Variants in MYOM1 observed in about 807,000 individuals in gnomAD.
The protein encoded by MYOM1 is myomesin 1, also known as myomesin-1.
In MYOM1, 164 loss-of-function variants were observed where a neutral mutation model predicts 205.3. The ratio of observed to expected loss-of-function variants is 0.80; its 90% CI spans 0.70 to 0.91. The LOEUF is 0.91. Ranked by LOEUF, MYOM1 falls within the 40% of genes least tolerant of loss-of-function variation. MYOM1 has a pLI of 0.00. For synonymous variants in MYOM1, 772 were observed against 789.4 expected (o/e 0.98, Z 0.37); for missense variants, 2,011 against 2,127.3 (o/e 0.95, Z 1.08).
intron 36 of MYOM1, among the ~76,000 whole-genome samples, chr18:3,073,528 C>A (rs2078985211): frequency 6.6e-6 from 1 of 152,264 alleles, no homozygotes; most frequent in South Asian, 2.1e-4. Flanking sequence ...GTAAGCCTAA[C>A]CCTTCTTCTG....
intron 10 of MYOM1, among the ~76,000 whole-genome samples, chr18:3,163,769 C>T (rs545346558): frequency 3.7e-4 from 56 of 152,022 alleles, no homozygotes; most frequent in South Asian, 1.9e-3. Context: ...TTATTGGAAA[C>T]GAACATATTC....
intron 5 of MYOM1, among the ~76,000 whole-genome samples, chr18:3,185,372 C>T (rs1300719872): frequency 6.6e-6 from 1 of 152,092 alleles, no homozygotes; most frequent in Non-Finnish European, 1.5e-5. Context: ...TGGGAAAACA[C>T]AGATAGGAAA....
At chr18:3,194,311 T>C (rs1465188244) in intron 2 of MYOM1, among the ~76,000 whole-genome samples, 3 of 152,244 alleles carry the variant, frequency 2.0e-5, no homozygotes, top group Non-Finnish European at 4.4e-5. Context: ...AATGGTTTGA[T>C]ACATGGTGCA....
intron 31 of MYOM1, among the ~76,000 whole-genome samples, 169 bp downstream of exon 31, chr18:3,084,876 T>C (rs893457723): frequency 3.3e-5 from 5 of 152,136 alleles, no homozygotes; most frequent in Non-Finnish European, 7.4e-5. Context: ...TGACTAGAAG[T>C]GAGGTATTTT....
At chr18:3,117,986 T>C (rs890051122) in intron 20 of MYOM1, among the ~76,000 whole-genome samples, 2 of 152,150 alleles carry the variant, frequency 1.3e-5, no homozygotes, top group Admixed American at 1.3e-4. Context: ...CAGGGAGGCA[T>C]CTAGATTGGG....
chr18:3,215,531 A>C (rs941378366), intron 1 of MYOM1, among the ~76,000 whole-genome samples: 1 of 151,938 alleles, frequency 6.6e-6, no homozygotes, highest in South Asian at 2.1e-4. Context: ...TGAGCCCAAG[A>C]CTTCGAGGCT....
chr18:3,079,957 A>G (rs1322061059), intron 33 of MYOM1, among the ~76,000 whole-genome samples: 1 of 152,206 alleles, frequency 6.6e-6, no homozygotes, highest in African/African-American at 2.4e-5. Flanking sequence ...GTAGGTCATG[A>G]GCAGACCCAT....
rs772631678 is a variant in MYOM1 at position 3,075,475 on chromosome 18, G to C, written c.4687C>G (p.Gln1563Glu). 24 of 1,604,310 alleles carry C rather than the reference G, an allele frequency of 1.5e-5. No individual in the cohort carries two copies. Among genetic ancestry groups the C allele is most frequent in the Non-Finnish European group, 2.0e-5 (24 of 1,177,110 alleles). ...EAYAEFQRLK[Q>E]AAIAEKNRAR... is the part of the protein sequence containing the mutation. ...TTACTTTTCTCGGCAATGGCAGCTT[G>C]TCTGTGGTTGAGAGAAACGAACAAA... The change falls in exon 36 of 38, where the codon CAA becomes GAA. Residue 1563 changes from glutamine to glutamate, a missense_variant and splice_region_variant. Transcript: ENST00000356443.
At chr18:3,159,988 C>G (rs2080361631) in intron 10 of MYOM1, among the ~76,000 whole-genome samples, 1 of 148,846 alleles carries the variant, frequency 6.7e-6, no homozygotes, top group Non-Finnish European at 1.5e-5. Context: ...CTCTCCCTCT[C>G]TTATTCTCTT....
chr18:3,228,546 A>C, the MYOM1 span, among the ~76,000 whole-genome samples: 1 of 152,198 alleles, frequency 6.6e-6, no homozygotes, highest in Non-Finnish European at 1.5e-5. The surrounding 1 kb of genome is among the most constrained non-coding windows in gnomAD (Gnocchi z 4.5). Flanking sequence ...AACCAGAATA[A>C]AGATCAGCAG....
upstream of MYOM1, among the ~76,000 whole-genome samples, chr18:3,222,226 A>G (rs1278575675): frequency 6.6e-6 from 1 of 152,232 alleles, no homozygotes; most frequent in Non-Finnish European, 1.5e-5. Context: ...ATTGATTCAT[A>G]TGAGCCCAAG....
At position 3,176,119 on chromosome 18, in the gene MYOM1, C is replaced by T. The variant is rs2080636752; in HGVS notation, c.945G>A (p.Val315=). 2 of 1,607,052 alleles carry T rather than the reference C, an allele frequency of 1.2e-6. No homozygotes were observed. Among genetic ancestry groups the T allele is most frequent in the Non-Finnish European group, 1.7e-6 (2 of 1,173,750 alleles). ...CAGGGTTTGCATGGACATTTATTGG[C>T]ACCTGGTTTTTATACCTATAACAGA... ...EPRVTWYKNQ[V]PINVHANPGK... Residue 315 remains valine (V), a synonymous_variant, in exon 6 of 38, where the codon GTG becomes GTA. Coordinates refer to ENST00000356443, the MANE Select transcript of MYOM1 (RefSeq NM_003803.4).
At chr18:3,244,524 CG>C in the MYOM1 span, among the ~76,000 whole-genome samples, 2 of 152,064 alleles carry the variant, frequency 1.3e-5, no homozygotes, top group Non-Finnish European at 2.9e-5. Context: ...GAGGCACAGA[CG>C]GGCAGATCAC....
chr18:3,148,869 A>G (rs936874963), intron 13 of MYOM1, among the ~76,000 whole-genome samples: 6 of 150,342 alleles, frequency 4.0e-5, no homozygotes, highest in Non-Finnish European at 5.9e-5. Flanking sequence ...AAAAAAAAAA[A>G]AAAGAAAATG....
At chr18:3,129,053 G>C (rs773976971) in intron 18 of MYOM1, among the ~76,000 whole-genome samples, 179 bp downstream of exon 18, 37 of 152,202 alleles carry the variant, frequency 2.4e-4, no homozygotes, top group Admixed American at 3.9e-4. Context: ...CAAACCCATA[G>C]ACAATTACTT....
At chr18:3,153,301 A>G (rs566397192) in intron 11 of MYOM1, among the ~76,000 whole-genome samples, 1 of 152,320 alleles carries the variant, frequency 6.6e-6, no homozygotes, top group Admixed American at 6.5e-5. Context: ...GCGTGATCTT[A>G]GGTGAGTTAG....
At chr18:3,068,844 G>A (rs1567887198) in intron 37 of MYOM1, among the ~76,000 whole-genome samples, 1 of 152,150 alleles carries the variant, frequency 6.6e-6, no homozygotes, top group Non-Finnish European at 1.5e-5. Flanking sequence ...GTTTTTATGT[G>A]AGCATAAGCT....
At chr18:3,163,929 T>C (rs1348850398) in intron 10 of MYOM1, among the ~76,000 whole-genome samples, 1 of 152,080 alleles carries the variant, frequency 6.6e-6, no homozygotes, top group Non-Finnish European at 1.5e-5. Context: ...CACAGCTCAC[T>C]GCAGCCTTGA....
intron 37 of MYOM1, among the ~76,000 whole-genome samples, chr18:3,069,864 T>C (rs1359167002): frequency 6.6e-6 from 1 of 152,242 alleles, no homozygotes; most frequent in Non-Finnish European, 1.5e-5. Context: ...GAGAGTTGTA[T>C]ATTTTTAACC....
Sources: allele counts gnomAD v4.1 joint callset (sites outside exome capture counted in the v4.1 genomes callset), GRCh38; gene constraint gnomAD v4.1.1; non-coding constraint Gnocchi (gnomAD v3.1); transcripts MANE v1.5; gene names NCBI Gene and HGNC (gene_info 2026-07-23, HGNC 2026-07-21).